The following PGBD2 variants were observed in gnomAD, a reference collection of about 807,000 sequenced individuals.
PGBD2 encodes the protein piggyBac transposable element-derived protein 2.
A neutral mutation model predicts 8.1 loss-of-function variants in PGBD2; 6 were observed. The observed-to-expected ratio is 0.74, with a 90% CI of 0.40 to 1.46. The LOEUF is 1.46. Ranked by LOEUF, PGBD2 falls within the 40% of genes most tolerant of loss-of-function variation. The pLI, the probability that PGBD2 is intolerant of heterozygous loss-of-function variation, is 0.02. For missense variants in PGBD2, 802 were observed against 739.0 expected (o/e 1.09, Z -0.99); for synonymous variants, 318 against 272.2 (o/e 1.17, Z -1.66).
intron 1 of PGBD2, among the ~76,000 whole-genome samples, chr1:248,906,725 A>G (rs1206970811): frequency 6.6e-6 from 1 of 150,614 alleles, no homozygotes; most frequent in Non-Finnish European, 1.5e-5. Context: ...TGCGAATGCC[A>G]CGTCACATCC....
chr1:248,908,699 A>G (rs201918917), intron 1 of PGBD2, among the ~76,000 whole-genome samples: 1 of 116,226 alleles, frequency 8.6e-6, no homozygotes, highest in South Asian at 2.6e-4. Context: ...TTTTTTTTTT[A>G]AACTTCCCAT....
the PGBD2 span, among the ~76,000 whole-genome samples, chr1:248,873,352 A>G: frequency 6.6e-6 from 1 of 152,200 alleles, no homozygotes; most frequent in Non-Finnish European, 1.5e-5. Context: ...CGCCAACCGT[A>G]TCTGTGTGGT....
chr1:248,916,328 C>G (rs578240066), intron 2 of PGBD2, among the ~76,000 whole-genome samples: 2 of 152,104 alleles, frequency 1.3e-5, no homozygotes, highest in Admixed American at 6.5e-5. Flanking sequence ...GCAGGAGAAT[C>G]GCTTGAACCC....
chr1:248,890,767 CGCACACCACACATCACAGAT>C, the PGBD2 span, among the ~76,000 whole-genome samples: 1 of 151,544 alleles, frequency 6.6e-6, no homozygotes, highest in African/African-American at 2.4e-5. Flanking sequence ...TTACACACCC[CGCACACCACACATCACAGAT>C]GCACACACGC....
chr1:248,902,512 T>C (rs1326706138), upstream of PGBD2, among the ~76,000 whole-genome samples: 1 of 152,172 alleles, frequency 6.6e-6, no homozygotes, highest in Non-Finnish European at 1.5e-5. Flanking sequence ...CCCACAGGAA[T>C]ATAAATCATT....
intron 1 of PGBD2, among the ~76,000 whole-genome samples, chr1:248,910,003 A>G (rs1661808370): frequency 6.6e-6 from 1 of 152,214 alleles, no homozygotes; most frequent in African/African-American, 2.4e-5. Context: ...GTCAGTCTGT[A>G]TGTTAGCAAG....
At chr1:248,896,471 G>C in the PGBD2 span, among the ~76,000 whole-genome samples, 1 of 151,880 alleles carries the variant, frequency 6.6e-6, no homozygotes, top group East Asian at 1.9e-4. Context: ...TAGAGATGGG[G>C]TCTTGCTCTG....
At chr1:248,896,362 C>CATAT in the PGBD2 span, among the ~76,000 whole-genome samples, 2 of 151,070 alleles carry the variant, frequency 1.3e-5, no homozygotes, top group African/African-American at 4.9e-5. Flanking sequence ...TTCATATATA[C>CATAT]ATATATATAT....
chr1:248,929,585 T>C, the PGBD2 span, among the ~76,000 whole-genome samples: 6 of 152,112 alleles, frequency 3.9e-5, no homozygotes, highest in Non-Finnish European at 2.9e-5. Flanking sequence ...TTGTAGAACA[T>C]CGTATTTAGC....
the PGBD2 span, among the ~76,000 whole-genome samples, chr1:248,897,913 G>T: frequency 1.6e-3 from 248 of 152,294 alleles, 2 homozygotes; most frequent in Non-Finnish European, 2.7e-3. Flanking sequence ...GGGAGACTGG[G>T]TGGTTTGGAC....
chr1:248,914,908 G>A (rs888174718), intron 2 of PGBD2, among the ~76,000 whole-genome samples: 17 of 152,152 alleles, frequency 1.1e-4, no homozygotes, highest in African/African-American at 1.9e-4. Context: ...TCTCCTTGCC[G>A]TTCTGCAGAT....
At chr1:248,898,150 G>T in the PGBD2 span, among the ~76,000 whole-genome samples, 2 of 152,276 alleles carry the variant, frequency 1.3e-5, no homozygotes, top group Non-Finnish European at 2.9e-5. Context: ...AGCCTTTCCC[G>T]CCTGCTGGCT....
chr1:248,881,509 T>A, the PGBD2 span, among the ~76,000 whole-genome samples: 7 of 152,352 alleles, frequency 4.6e-5, no homozygotes, highest in East Asian at 3.9e-4. Flanking sequence ...CCTGGCTTGC[T>A]TTATTTATTG....
At chr1:248,877,779 T>C in the PGBD2 span, among the ~76,000 whole-genome samples, 1 of 152,180 alleles carries the variant, frequency 6.6e-6, no homozygotes, top group Non-Finnish European at 1.5e-5. Context: ...ATAAGACCAG[T>C]TGAGAAACTA....
chr1:248,888,180 T>C, the PGBD2 span, among the ~76,000 whole-genome samples: 4 of 152,230 alleles, frequency 2.6e-5, no homozygotes, highest in Non-Finnish European at 4.4e-5. Context: ...ATCTAGTTGA[T>C]TCTATATCCA....
chr1:248,887,173 G>C, the PGBD2 span, among the ~76,000 whole-genome samples: 1 of 152,124 alleles, frequency 6.6e-6, no homozygotes, highest in African/African-American at 2.4e-5. Context: ...CCTGATCATA[G>C]TATTGTTTCC....
chr1:248,876,489 A>G, the PGBD2 span, among the ~76,000 whole-genome samples: 1 of 152,188 alleles, frequency 6.6e-6, no homozygotes, highest in Non-Finnish European at 1.5e-5. Flanking sequence ...CGTCCTGTCA[A>G]TTATGCAAGG....
chr1:248,899,982 G>T, the PGBD2 span, among the ~76,000 whole-genome samples: 1 of 149,162 alleles, frequency 6.7e-6, no homozygotes, highest in Non-Finnish European at 1.5e-5. Flanking sequence ...AAATCTAGAA[G>T]AAATGGATAA....
downstream of PGBD2, among the ~76,000 whole-genome samples, chr1:248,923,811 A>C (rs530333287): frequency 6.6e-6 from 1 of 152,314 alleles, no homozygotes; most frequent in East Asian, 1.9e-4. Context: ...GGAGGAGAAC[A>C]GGGCAGATCC....
Sources: gnomAD v4.1 joint callset for allele counts (sites outside exome capture counted in the v4.1 genomes callset) on GRCh38, gnomAD v4.1.1 for gene constraint, MANE v1.5 for transcripts, NCBI Gene and HGNC (gene_info 2026-07-23, HGNC 2026-07-21) for gene names.